GRIA4: variants seen among roughly 807,000 people sequenced by gnomAD.
GRIA4 encodes glutamate receptor 4.
Under a neutral mutation model 104.0 loss-of-function variants are expected in GRIA4, and 34 were observed. The observed-to-expected ratio is 0.33, with a 90% CI of 0.25 to 0.44. The LOEUF (loss-of-function observed/expected upper bound fraction) is 0.44, where lower values mean the gene tolerates loss of function less well. Among genes scored for constraint, GRIA4 ranks in the 20% least tolerant of loss-of-function variants. GRIA4 has a pLI of 1.00. For missense variants in GRIA4, 750 were observed against 1,096.5 expected, an observed-to-expected ratio of 0.68 and a Z score of 4.46; for synonymous variants, 386 against 381.9, an observed-to-expected ratio of 1.01 and a Z score of -0.13.
intron 3 of GRIA4, among the ~76,000 whole-genome samples, chr11:105,620,998 G>A (rs1398257545): frequency 1.3e-5 from 2 of 151,618 alleles, no homozygotes; most frequent in Non-Finnish European, 3.0e-5. Context: ...CATTTTTAGA[G>A]CATCATCAGG....
chr11:105,672,235 CAA>C (rs1952397795), intron 3 of GRIA4, among the ~76,000 whole-genome samples: 1 of 152,084 alleles, frequency 6.6e-6, no homozygotes, highest in Admixed American at 6.6e-5. Flanking sequence ...TGAATAATCA[CAA>C]GTTTCATTTT....
chr11:105,686,125 A>C (rs1380518583), intron 3 of GRIA4, among the ~76,000 whole-genome samples: 1 of 152,030 alleles, frequency 6.6e-6, no homozygotes, highest in African/African-American at 2.4e-5. Flanking sequence ...GTTACCTGGA[A>C]ATATTTTGTG....
At chr11:105,841,106 T>C (rs1944375701) in intron 4 of GRIA4, among the ~76,000 whole-genome samples, 1 of 152,186 alleles carries the variant, frequency 6.6e-6, no homozygotes, top group South Asian at 2.1e-4. Context: ...TGATTAGCAC[T>C]TCTCTATATA....
intron 3 of GRIA4, among the ~76,000 whole-genome samples, chr11:105,715,692 A>T (rs535796417): frequency 6.6e-6 from 1 of 152,302 alleles, no homozygotes; most frequent in African/African-American, 2.4e-5. Context: ...AATGACCCAA[A>T]GAATTAAGGA....
intron 3 of GRIA4, among the ~76,000 whole-genome samples, chr11:105,730,940 G>A (rs1938546668): frequency 6.6e-6 from 1 of 152,104 alleles, no homozygotes. Flanking sequence ...AGAAAACCTA[G>A]GCAATACCCT....
At chr11:105,828,634 A>T (rs1475750888) in intron 4 of GRIA4, among the ~76,000 whole-genome samples, 1 of 151,704 alleles carries the variant, frequency 6.6e-6, no homozygotes. Flanking sequence ...AAGATGAAAG[A>T]CTGGTGAAAT....
At chr11:105,916,271 T>G (rs904929624) in intron 10 of GRIA4, among the ~76,000 whole-genome samples, 5 of 152,150 alleles carry the variant, frequency 3.3e-5, no homozygotes, top group African/African-American at 1.2e-4. Context: ...ATTGAACAAC[T>G]GGCTTAACCT....
rs571343141 is a variant in GRIA4, at chr11:105,752,001, T to A, written c.248-980T>A. Reference sequence around the variant, plus strand: ...CATGATAAACCATAAGAATTTGGAATCCAAATAGATTTTCTTTATGGTACC... The same window carrying A: ...CATGATAAACCATAAGAATTTGGAAACCAAATAGATTTTCTTTATGGTACC... On this transcript the variant is annotated intron_variant, in intron 3 of 16. Coordinates refer to ENST00000282499, the MANE Select transcript of GRIA4 (RefSeq NM_000829.4). Among the ~76,000 whole-genome samples the A allele has an allele frequency of 3.9e-5, 6 of 152,306 alleles. 1 individual carries two copies. The highest frequency in any genetic ancestry group is 2.1e-4 in the South Asian group (1 of 4,826).
intron 3 of GRIA4, among the ~76,000 whole-genome samples, chr11:105,694,388 C>A (rs1049583941): frequency 6.6e-6 from 1 of 152,150 alleles, no homozygotes; most frequent in African/African-American, 2.4e-5. Flanking sequence ...ACCTCGTGAT[C>A]CACCCACCTC....
intron 4 of GRIA4, among the ~76,000 whole-genome samples, chr11:105,800,442 T>C (rs1243048142): frequency 6.6e-6 from 1 of 152,098 alleles, no homozygotes; most frequent in Non-Finnish European, 1.5e-5. Context: ...TGAAGACTCC[T>C]AATGATAATG....
chr11:105,671,464 G>A (rs993348978), intron 3 of GRIA4, among the ~76,000 whole-genome samples: 11 of 151,732 alleles, frequency 7.2e-5, no homozygotes, highest in Non-Finnish European at 1.5e-4. Context: ...ATCACCTAGG[G>A]TCAGGAGTTC....
chr11:105,868,481 T>C (rs908756097), intron 5 of GRIA4, among the ~76,000 whole-genome samples: 7 of 152,086 alleles, frequency 4.6e-5, no homozygotes, highest in Admixed American at 6.6e-5. Context: ...CTAGTGATGA[T>C]AGGGGTTCAA....
At chr11:105,844,229 A>G (rs1944496839) in intron 4 of GRIA4, among the ~76,000 whole-genome samples, 2 of 152,204 alleles carry the variant, frequency 1.3e-5, no homozygotes, top group African/African-American at 4.8e-5. Context: ...AATTTCTATA[A>G]AGTGACCAAC....
At chr11:105,941,597 C>T (rs1948181776) in intron 14 of GRIA4, among the ~76,000 whole-genome samples, 1 of 151,958 alleles carries the variant, frequency 6.6e-6, no homozygotes, top group African/African-American at 2.4e-5. Context: ...AAGAAATTGA[C>T]CCACAGATAA....
chr11:105,826,825 G>A (rs907711685), intron 4 of GRIA4, among the ~76,000 whole-genome samples: 5 of 151,958 alleles, frequency 3.3e-5, no homozygotes, highest in South Asian at 4.1e-4. Flanking sequence ...TCTCCTGTGC[G>A]AAACAGAGTT....
chr11:105,914,300 C>T (rs535434626), intron 10 of GRIA4, among the ~76,000 whole-genome samples: 1 of 151,974 alleles, frequency 6.6e-6, no homozygotes, highest in South Asian at 2.1e-4. Flanking sequence ...AAATTATCTA[C>T]ATCCATTAAG....
At chr11:105,886,883 C>G (rs1228440778) in intron 5 of GRIA4, among the ~76,000 whole-genome samples, 3 of 149,386 alleles carry the variant, frequency 2.0e-5, no homozygotes, top group Admixed American at 6.7e-5. Flanking sequence ...TTCTAATTTC[C>G]TAAACATTTC....
chr11:105,794,009 G>A (rs887047228), intron 4 of GRIA4, among the ~76,000 whole-genome samples: 1 of 151,972 alleles, frequency 6.6e-6, no homozygotes, highest in Non-Finnish European at 1.5e-5. Context: ...GGAGCAGTAG[G>A]CACTCACAGA....
intron 4 of GRIA4, among the ~76,000 whole-genome samples, chr11:105,766,857 C>G (rs924958736): frequency 2.0e-5 from 3 of 151,092 alleles, no homozygotes; most frequent in African/African-American, 4.8e-5. Flanking sequence ...GAAGACCTCA[C>G]TGCTTCCCCT....
Sources: gnomAD v4.1 joint callset for allele counts (sites outside exome capture counted in the v4.1 genomes callset) on GRCh38, gnomAD v4.1.1 for gene constraint, MANE v1.5 for transcripts, NCBI Gene and HGNC (gene_info 2026-07-23, HGNC 2026-07-21) for gene names.